The following ARHGAP24 variants were observed in gnomAD, a reference collection of about 807,000 sequenced individuals.
ARHGAP24 encodes Rho GTPase activating protein 24.
Under a neutral mutation model 76.4 loss-of-function variants are expected in ARHGAP24, and 50 were observed. The ratio of observed to expected loss-of-function variants is 0.65; its 90% confidence interval spans 0.52 to 0.83. ARHGAP24 has a LOEUF of 0.83. Among genes scored for constraint, ARHGAP24 ranks in the 40% least tolerant of loss-of-function variants. The probability of loss-of-function intolerance (pLI) is 0.00; values close to 1 mark genes in which losing one functional copy is unlikely to be tolerated. For synonymous variants in ARHGAP24, 345 were observed against 323.3 expected, an observed-to-expected ratio of 1.07 and a Z score of -0.72; for missense variants, 930 against 914.2, an observed-to-expected ratio of 1.02 and a Z score of -0.22.
intron 1 of ARHGAP24, among the ~76,000 whole-genome samples, chr4:85,484,782 G>A (rs796924098): frequency 4.6e-5 from 7 of 152,004 alleles, no homozygotes; most frequent in African/African-American, 1.4e-4. Context: ...ATGCCAGGCT[G>A]ATTTTTGTCT....
intron 1 of ARHGAP24, among the ~76,000 whole-genome samples, chr4:85,487,733 A>G (rs1207652062): frequency 9.6e-6 from 1 of 103,972 alleles, no homozygotes; most frequent in Non-Finnish European, 1.7e-5. Context: ...TTTATATTAT[A>G]TATTATATAA....
At chr4:85,805,576 T>C (rs11733669) in intron 3 of ARHGAP24, among the ~76,000 whole-genome samples, 13,444 of 152,288 alleles carry the variant, frequency 0.088, 705 homozygotes, top group Middle Eastern at 0.21. Context: ...TTAAAATGTG[T>C]CTTGATCACA....
intron 3 of ARHGAP24, among the ~76,000 whole-genome samples, chr4:85,791,271 A>C (rs1222238100): frequency 6.6e-6 from 1 of 152,166 alleles, no homozygotes; most frequent in Non-Finnish European, 1.5e-5. Flanking sequence ...ACTTATCATC[A>C]ATGTGTTCAG....
At chr4:85,850,725 G>A (rs1374161914) in intron 3 of ARHGAP24, among the ~76,000 whole-genome samples, 1 of 152,200 alleles carries the variant, frequency 6.6e-6, no homozygotes, top group Non-Finnish European at 1.5e-5. Context: ...TCATTCATGA[G>A]CAGGTTGTTC....
At chr4:85,911,192 G>A (rs1339313363) in intron 3 of ARHGAP24, among the ~76,000 whole-genome samples, 1 of 152,156 alleles carries the variant, frequency 6.6e-6, no homozygotes, top group Non-Finnish European at 1.5e-5. Flanking sequence ...CTGCAGCCTG[G>A]TTTGGGTGGC....
At chr4:85,835,833 G>A (rs1406307038) in intron 3 of ARHGAP24, among the ~76,000 whole-genome samples, 1 of 151,824 alleles carries the variant, frequency 6.6e-6, no homozygotes, top group Non-Finnish European at 1.5e-5. Flanking sequence ...TTACAGGTGC[G>A]TGCCACCATG....
chr4:85,771,688 CTT>C (rs746251534), intron 3 of ARHGAP24, among the ~76,000 whole-genome samples: 3 of 152,076 alleles, frequency 2.0e-5, no homozygotes, highest in East Asian at 3.8e-4. Context: ...TTCTATACCT[CTT>C]TTTTTGTTTG....
rs1741000850 is a variant in ARHGAP24, at chr4:86,001,216, G to A, written c.*494G>A. 1 of 398,636 alleles carries A rather than the reference G, an allele frequency of 2.5e-6. No individual in the cohort carries two copies. Among genetic ancestry groups the A allele is most frequent in the African/African-American group, 2.1e-5 (1 of 48,578 alleles). 24.7% of individuals were successfully genotyped at this position (398,636 alleles called of 1,614,324 possible). ...ATAAATATATGAGTTATTAAAATCA[G>A]AAGAATACTTTGTGGCTGTGCTGTT... On this transcript the variant is annotated 3_prime_UTR_variant, in exon 10 of 10. Coordinates refer to ENST00000395184, the MANE Select transcript of ARHGAP24 (RefSeq NM_001025616.3).
intron 3 of ARHGAP24, among the ~76,000 whole-genome samples, chr4:85,921,597 A>C (rs1231628412): frequency 6.6e-6 from 1 of 152,192 alleles, no homozygotes; most frequent in Non-Finnish European, 1.5e-5. Flanking sequence ...CCTGGAAGTC[A>C]AACAGCTAGT....
rs765989969 is a variant in ARHGAP24 at position 85,570,604 on chromosome 4, C to CA, written c.65dup (p.Cys23ValfsTer32). 1 of 1,614,064 alleles carries CA rather than the reference C, an allele frequency of 6.2e-7. No homozygotes were observed. On this transcript the variant is annotated frameshift_variant, in exon 2 of 10. Coordinates refer to ENST00000395184, the MANE Select transcript of ARHGAP24 (RefSeq NM_001025616.3). LOFTEE classifies it high-confidence loss of function. ...AAGGCCAAGGGCGGCAGAATGCCATCAAGTGTGGGTGGCTGAGGAAGCAAG... is the reference window on the plus strand; with the variant it reads ...AAGGCCAAGGGCGGCAGAATGCCATCAAAGTGTGGGTGGCTGAGGAAGCAAG...
At chr4:85,838,581 A>G (rs1415011860) in intron 3 of ARHGAP24, among the ~76,000 whole-genome samples, 1 of 152,242 alleles carries the variant, frequency 6.6e-6, no homozygotes, top group Non-Finnish European at 1.5e-5. Flanking sequence ...CCTGGGCGAC[A>G]GAGCGAGACT....
intron 1 of ARHGAP24, among the ~76,000 whole-genome samples, chr4:85,482,011 T>A (rs949431157): frequency 1.3e-5 from 2 of 152,228 alleles, no homozygotes; most frequent in African/African-American, 4.8e-5. Flanking sequence ...AAGAGAATTC[T>A]ACAGCTACCT....
chr4:85,820,907 A>G (rs1193945379), intron 3 of ARHGAP24, among the ~76,000 whole-genome samples: 2 of 152,188 alleles, frequency 1.3e-5, no homozygotes, highest in Non-Finnish European at 2.9e-5. Context: ...AGAGAAATGT[A>G]TAAATAAGCT....
At chr4:85,703,747 G>A (rs191001736) in intron 2 of ARHGAP24, among the ~76,000 whole-genome samples, 1 of 152,068 alleles carries the variant, frequency 6.6e-6, no homozygotes, top group Non-Finnish European at 1.5e-5. Flanking sequence ...GTCTGTGGTA[G>A]GCTGTTATAG....
At chr4:85,781,206 C>T (rs547826322) in intron 3 of ARHGAP24, among the ~76,000 whole-genome samples, 24 of 152,318 alleles carry the variant, frequency 1.6e-4, no homozygotes, top group African/African-American at 5.1e-4. Context: ...GGCTTTCTAA[C>T]TTACAAGTTC....
chr4:85,731,321 C>T (rs1725400551), intron 3 of ARHGAP24, among the ~76,000 whole-genome samples: 1 of 152,200 alleles, frequency 6.6e-6, no homozygotes, highest in Non-Finnish European at 1.5e-5. Flanking sequence ...CTCCTCCATA[C>T]TCACAGTCCT....
intron 3 of ARHGAP24, among the ~76,000 whole-genome samples, chr4:85,777,886 A>T (rs1727366817): frequency 6.6e-6 from 1 of 152,192 alleles, no homozygotes; most frequent in African/African-American, 2.4e-5. Flanking sequence ...AATAAATAGG[A>T]AATACATGAA....
chr4:85,797,142 AG>A (rs1728380513), intron 3 of ARHGAP24, among the ~76,000 whole-genome samples: 1 of 144,570 alleles, frequency 6.9e-6, no homozygotes, highest in African/African-American at 2.6e-5. Flanking sequence ...CAGCTGGGAA[AG>A]GAAAAAAAAT....
chr4:85,886,722 A>G (rs1280402215), intron 3 of ARHGAP24, among the ~76,000 whole-genome samples: 1 of 152,178 alleles, frequency 6.6e-6, no homozygotes, highest in African/African-American at 2.4e-5. Context: ...ATCTAAAATA[A>G]TGATGCTAGA....
Sources: allele counts gnomAD v4.1 joint callset (sites outside exome capture counted in the v4.1 genomes callset), GRCh38; gene constraint gnomAD v4.1.1; transcripts MANE v1.5; gene names NCBI Gene and HGNC (gene_info 2026-07-23, HGNC 2026-07-21).